The following SRPX variants were observed in gnomAD, a reference collection of about 807,000 sequenced individuals.
SRPX encodes the protein sushi repeat containing protein X-linked, also known as sushi repeat-containing protein SRPX.
SRPX carries 24 observed loss-of-function variants against 38.1 expected under a neutral mutation model. That is an observed-to-expected ratio of 0.63 (90% confidence interval 0.46 to 0.89). The LOEUF (loss-of-function observed/expected upper bound fraction) is 0.89. SRPX is among the 40% of genes least tolerant of loss of function. SRPX has a pLI of 0.00. For missense variants in SRPX, 416 were observed against 377.8 expected, an observed-to-expected ratio of 1.10 and a Z score of -0.84; for synonymous variants, 184 against 153.8, an observed-to-expected ratio of 1.20 and a Z score of -1.45.
At chrX:38,172,783 C>T (rs1179857225) in intron 3 of SRPX, among the ~76,000 whole-genome samples, 1 of 112,882 alleles carries the variant, frequency 8.9e-6, no homozygotes, top group Non-Finnish European at 1.9e-5. Flanking sequence ...GTCCTGCCCC[C>T]AGGCAAGGAA....
In SRPX at chrX:38,220,855, G is replaced by A; in HGVS notation, c.-63C>T. The stretch of plus-strand genomic sequence containing the variant: ...CGCTTCCCGGGGGCGGCAGGAGACC[G>A]AAGAGACCAAGGGACTGCGTGCTAG... On this transcript the variant is annotated 5_prime_UTR_variant, in exon 1 of 10. Coordinates refer to ENST00000378533, the MANE Select transcript of SRPX (RefSeq NM_006307.5). 9.4e-7 allele frequency: 1 copy of A among 1,062,621 alleles called. No homozygotes were observed. The highest frequency in any genetic ancestry group is 3.6e-4 in the Middle Eastern group (1 of 2,762). 87.6% of individuals were successfully genotyped at this position (1,062,621 alleles called of 1,213,427 possible).
At chrX:38,164,747 T>G in intron 5 of SRPX, 22 bp downstream of exon 5, 1 of 1,208,011 alleles carries the variant, frequency 8.3e-7, no homozygotes, top group Non-Finnish European at 1.1e-6. Context: ...CAGCATCATT[T>G]TATCTGCCAA....
At chrX:38,168,207 G>T (rs1206038703) in intron 4 of SRPX, among the ~76,000 whole-genome samples, 2 of 112,224 alleles carry the variant, frequency 1.8e-5, no homozygotes, top group African/African-American at 6.5e-5. Context: ...GTGACCCTGT[G>T]CCAGTTCCAG....
intron 2 of SRPX, among the ~76,000 whole-genome samples, chrX:38,174,688 T>C (rs1051325048): frequency 8.9e-6 from 1 of 112,252 alleles, no homozygotes; most frequent in Non-Finnish European, 1.9e-5. Flanking sequence ...GTACCTAGCA[T>C]ATATGTTCAA....
At chrX:38,214,743 G>A (rs765958992) in intron 1 of SRPX, among the ~76,000 whole-genome samples, 1 of 111,594 alleles carries the variant, frequency 9.0e-6, no homozygotes, top group Admixed American at 9.5e-5. Flanking sequence ...CTCAGGAGGT[G>A]GAGGATGTAG....
intron 3 of SRPX, among the ~76,000 whole-genome samples, chrX:38,173,335 A>G (rs1415326623): frequency 8.9e-6 from 1 of 112,466 alleles, no homozygotes; most frequent in Non-Finnish European, 1.9e-5. Flanking sequence ...CCAGCCCCTG[A>G]AATGCTGCTC....
At chrX:38,201,712 G>A (rs1362875324) in intron 1 of SRPX, among the ~76,000 whole-genome samples, 8 of 110,564 alleles carry the variant, frequency 7.2e-5, no homozygotes, top group Non-Finnish European at 1.3e-4. Flanking sequence ...CCAGCTACTC[G>A]GGAGGCTGAG....
In SRPX at chrX:38,164,829, G is replaced by C; in HGVS notation, c.593C>G (p.Thr198Arg). Residue 198 changes from threonine (T) to arginine (R), a missense_variant, in exon 5 of 10, where the codon ACA becomes AGA. Coordinates refer to ENST00000378533, the MANE Select transcript of SRPX (RefSeq NM_006307.5). ...KERIAEPNKLTVRVSWETPEG... is the reference protein window; with the variant it reads ...KERIAEPNKLRVRVSWETPEG... Reference sequence around the variant, plus strand: ...GGGTGTCTCCCAGGACACCCGGACTGTCAGTTTGTTGGGTTCTGCAATGCG... The same window carrying C: ...GGGTGTCTCCCAGGACACCCGGACTCTCAGTTTGTTGGGTTCTGCAATGCG... 2 of 1,210,491 alleles carry C rather than the reference G, an allele frequency of 1.7e-6. No individual in the cohort carries two copies. Among genetic ancestry groups the C allele is most frequent in the Non-Finnish European group, 2.2e-6 (2 of 894,467 alleles).
At chrX:38,152,929 CTGTCT>C (rs59694763) in intron 9 of SRPX, among the ~76,000 whole-genome samples, 2,841 of 112,492 alleles carry the variant, frequency 0.025, 85 homozygotes, top group African/African-American at 0.087. Flanking sequence ...ACACAACTCT[CTGTCT>C]TAAGTTTTGT....
At position 38,174,250 on chromosome X, in the gene SRPX, T is replaced by C. The variant is rs755399269; in HGVS notation, c.259A>G (p.Ile87Val). The part of the protein sequence containing the change: ...YKTALGTRCD[I>V]RCQKGYELHG... ...AGCTCGTAGCCCTTCTGGCAGCGAATGTCGCACCTGGTTCCCAGGGCTGTT... is the reference window on the plus strand; with the variant it reads ...AGCTCGTAGCCCTTCTGGCAGCGAACGTCGCACCTGGTTCCCAGGGCTGTT... The change falls in exon 3 of 10, where the codon ATT (isoleucine) becomes GTT (valine). Residue 87 changes from isoleucine (I) to valine (V), a missense_variant. Physicochemically the swap from Ile to Val is conservative, Grantham distance 29 (BLOSUM62 3). Coordinates refer to ENST00000378533, the MANE Select transcript of SRPX (RefSeq NM_006307.5). 1.2e-5 allele frequency: 14 copies of C among 1,165,373 alleles called. No individual in the cohort carries two copies. Among genetic ancestry groups the C allele is most frequent in the Middle Eastern group, 2.5e-4 (1 of 4,046 alleles).
chrX:38,200,004 T>C (rs964072821), intron 1 of SRPX, among the ~76,000 whole-genome samples: 1 of 112,540 alleles, frequency 8.9e-6, no homozygotes, highest in African/African-American at 3.2e-5. Context: ...CTCAGTGTTA[T>C]TGCAATTAAG....
intron 1 of SRPX, among the ~76,000 whole-genome samples, chrX:38,203,636 A>C (rs1445512716): frequency 1.8e-5 from 2 of 112,536 alleles, no homozygotes; most frequent in Non-Finnish European, 3.8e-5. Context: ...GAAATTAGCC[A>C]GGCATGGTGG....
intron 1 of SRPX, among the ~76,000 whole-genome samples, chrX:38,187,651 C>T (rs1161492592): frequency 3.6e-5 from 4 of 111,989 alleles, no homozygotes; most frequent in Admixed American, 9.4e-5. Flanking sequence ...GTGCTATTGC[C>T]GGGTCTCTTG....
At chrX:38,187,621 A>G (rs749220135) in intron 1 of SRPX, among the ~76,000 whole-genome samples, 7 of 112,426 alleles carry the variant, frequency 6.2e-5, no homozygotes. Context: ...ACTCACCAAA[A>G]GTTATTTTAT....
At chrX:38,149,964 G>C in intron 9 of SRPX, 70 bp from the exon 10 acceptor site, 4 of 938,022 alleles carry the variant, frequency 4.3e-6, no homozygotes, top group Non-Finnish European at 2.9e-6. Flanking sequence ...GGATCAACCA[G>C]AGCCTTACTG....
chrX:38,219,588 C>A (rs6651852), intron 1 of SRPX, among the ~76,000 whole-genome samples: 31,487 of 110,334 alleles, frequency 0.29, 3,433 homozygotes, highest in East Asian at 0.46. Context: ...CAAATTTGTT[C>A]TATTCATTCA....
chrX:38,189,966 T>C (rs1160524237), intron 1 of SRPX, among the ~76,000 whole-genome samples: 1 of 112,143 alleles, frequency 8.9e-6, no homozygotes, highest in Non-Finnish European at 1.9e-5. Context: ...GACATCCATC[T>C]CCCTCAGTGA....
chrX:38,191,426 T>C (rs1475850607), intron 1 of SRPX, among the ~76,000 whole-genome samples: 2 of 111,790 alleles, frequency 1.8e-5, no homozygotes, highest in Non-Finnish European at 3.8e-5. Flanking sequence ...GGACCAGCTT[T>C]ATTTGCAATA....
intron 8 of SRPX, among the ~76,000 whole-genome samples, chrX:38,156,296 A>G (rs1390496720): frequency 8.9e-6 from 1 of 111,755 alleles, no homozygotes; most frequent in Admixed American, 9.5e-5. Context: ...CAAAATTTAC[A>G]TAGCTGAGAA....
Sources: allele counts gnomAD v4.1 joint callset (sites outside exome capture counted in the v4.1 genomes callset), GRCh38; gene constraint gnomAD v4.1.1; transcripts MANE v1.5; gene names NCBI Gene and HGNC (gene_info 2026-07-23, HGNC 2026-07-21).